The following ZDHHC11 variants were observed in gnomAD, a reference collection of about 807,000 sequenced individuals.
ZDHHC11 encodes the protein zDHHC palmitoyltransferase 11.
In ZDHHC11, 44 loss-of-function variants were observed where a neutral mutation model predicts 51.3. That is an observed-to-expected ratio of 0.86 (90% CI 0.67 to 1.10). The LOEUF (loss-of-function observed/expected upper bound fraction) is 1.10. Ranked by LOEUF, ZDHHC11 falls within the 50% of genes least tolerant of loss-of-function variation. The pLI, the probability that ZDHHC11 is intolerant of heterozygous loss-of-function variation, is 0.00. For missense variants in ZDHHC11, 400 were observed against 537.7 expected, an observed-to-expected ratio of 0.74 and a Z score of 2.53; for synonymous variants, 163 against 222.0, an observed-to-expected ratio of 0.73 and a Z score of 2.36.
At chr5:817,627 A>G (rs937179105) in intron 10 of ZDHHC11, among the ~76,000 whole-genome samples, 4 of 151,314 alleles carry the variant, frequency 2.6e-5, no homozygotes, top group Non-Finnish European at 5.9e-5. Flanking sequence ...TAGGGAGGTT[A>G]AACTTTCCTC....
intron 11 of ZDHHC11, among the ~76,000 whole-genome samples, chr5:804,499 G>C (rs1738961664): frequency 2.0e-5 from 3 of 150,986 alleles, no homozygotes; most frequent in African/African-American, 7.3e-5. Flanking sequence ...CATCCAAGGA[G>C]CTCAACGAAT....
At chr5:854,636 A>AGTG (rs1747867056), upstream of ZDHHC11, among the ~76,000 whole-genome samples, 7 of 142,300 alleles carry the variant, frequency 4.9e-5, no homozygotes, top group African/African-American at 1.8e-4. Flanking sequence ...ACAGCGAGCC[A>AGTG]GGGTCACAGA....
At chr5:800,927 CT>C (rs1260012097) in intron 12 of ZDHHC11, among the ~76,000 whole-genome samples, 172 bp downstream of exon 12, 1 of 151,310 alleles carries the variant, frequency 6.6e-6, no homozygotes, top group Non-Finnish European at 1.5e-5. Flanking sequence ...TGCACTACTT[CT>C]AAAGATGGAC....
chr5:803,569 A>G (rs1163540861), intron 11 of ZDHHC11, among the ~76,000 whole-genome samples: 1 of 151,268 alleles, frequency 6.6e-6, no homozygotes. Context: ...CAGAATGTCC[A>G]GTTTTTAACA....
intron 10 of ZDHHC11, among the ~76,000 whole-genome samples, chr5:817,744 C>G (rs1741002593): frequency 6.6e-6 from 1 of 151,316 alleles, no homozygotes; most frequent in Non-Finnish European, 1.5e-5. Context: ...ACACTCATTA[C>G]ACACCCTTCC....
At chr5:847,904 G>C in intron 2 of ZDHHC11, 2 of 546,364 alleles carry the variant, frequency 3.7e-6, no homozygotes, top group Non-Finnish European at 6.5e-6. Context: ...CCTCACTCTG[G>C]GCCATGGCCC....
upstream of ZDHHC11, among the ~76,000 whole-genome samples, chr5:854,151 C>T (rs1350592562): frequency 2.1e-5 from 3 of 142,614 alleles, no homozygotes; most frequent in Non-Finnish European, 3.1e-5. Context: ...GACAGCGAGC[C>T]GGGGGGCACA....
At chr5:843,545 C>G (rs1745434743) in intron 4 of ZDHHC11, 55 bp downstream of exon 4, 1 of 1,603,276 alleles carries the variant, frequency 6.2e-7, no homozygotes, top group African/African-American at 1.4e-5. Context: ...ATACTACCAC[C>G]CGGAAAGACG....
chr5:797,559 A>T (rs411455), intron 12 of ZDHHC11, among the ~76,000 whole-genome samples: 5 of 151,350 alleles, frequency 3.3e-5, no homozygotes, highest in Non-Finnish European at 5.9e-5. Flanking sequence ...CAACTGTCTA[A>T]TTTGTTGTTA....
At chr5:835,165 G>A (rs57810935) in intron 6 of ZDHHC11, among the ~76,000 whole-genome samples, 1 of 150,848 alleles carries the variant, frequency 6.6e-6, no homozygotes, top group African/African-American at 2.4e-5. Flanking sequence ...TTTAAGTTTA[G>A]GTGTCAGATG....
upstream of ZDHHC11, among the ~76,000 whole-genome samples, chr5:855,821 A>C (rs944290977): frequency 6.7e-6 from 1 of 148,770 alleles, no homozygotes; most frequent in East Asian, 2.0e-4. Flanking sequence ...CACAGAGGAC[A>C]GTGAGCCGGG....
At chr5:858,786 G>T (rs758987335) in intron 1 of ZDHHC11, among the ~76,000 whole-genome samples, 1 of 151,874 alleles carries the variant, frequency 6.6e-6, no homozygotes, top group African/African-American at 2.4e-5. Flanking sequence ...GTCTTGCTGT[G>T]TTGCCTTTAC....
intron 11 of ZDHHC11, among the ~76,000 whole-genome samples, chr5:802,095 A>G (rs1259628930): frequency 1.2e-4 from 18 of 151,356 alleles, no homozygotes; most frequent in African/African-American, 4.4e-4. Context: ...AGGAATTGCC[A>G]CAGAGGAGCA....
rs1457339565 is a variant in ZDHHC11 at position 795,616 on chromosome 5, A to C, written c.*972T>G. ...CAAAAACAGCCCAATGCACGTAGTAACTTATAGATATATTTGGAAAACTGA... is the reference window on the plus strand; with the variant it reads ...CAAAAACAGCCCAATGCACGTAGTACCTTATAGATATATTTGGAAAACTGA... On this transcript the variant is annotated 3_prime_UTR_variant, in exon 13 of 13. Coordinates refer to ENST00000283441, the MANE Select transcript of ZDHHC11 (RefSeq NM_024786.3). The C allele has an allele frequency of 7.2e-5, 11 of 152,356 alleles. 1 individual carries two copies. Among genetic ancestry groups the C allele is most frequent in the Non-Finnish European group, 1.6e-4 (11 of 67,802 alleles). 9.4% of individuals were successfully genotyped at this position (152,356 alleles called of 1,614,324 possible).
At chr5:845,069 G>A (rs541509298) in intron 3 of ZDHHC11, among the ~76,000 whole-genome samples, 34 of 152,384 alleles carry the variant, frequency 2.2e-4, no homozygotes, top group South Asian at 4.1e-4. Flanking sequence ...GCAGTCCTCC[G>A]AAGAGGCAGT....
intron 4 of ZDHHC11, 91 bp from the exon 5 acceptor site, chr5:840,741 G>T: frequency 1.3e-6 from 2 of 1,586,258 alleles, no homozygotes. Context: ...GCTGGGGATG[G>T]GGCGGTGTGG....
At chr5:829,982 A>G (rs1379219176) in intron 7 of ZDHHC11, among the ~76,000 whole-genome samples, 2 of 150,634 alleles carry the variant, frequency 1.3e-5, no homozygotes, top group Non-Finnish European at 3.0e-5. Flanking sequence ...CAGAAGGGAC[A>G]TACCTCAAGG....
chr5:806,850 A>C (rs1380619685), intron 11 of ZDHHC11, among the ~76,000 whole-genome samples: 1 of 151,216 alleles, frequency 6.6e-6, no homozygotes, highest in Non-Finnish European at 1.5e-5. Context: ...TGTCAATTCC[A>C]AGTGTTGGAG....
At chr5:836,402 G>A (rs568589331) in intron 6 of ZDHHC11, among the ~76,000 whole-genome samples, 2 of 150,450 alleles carry the variant, frequency 1.3e-5, no homozygotes, top group South Asian at 2.1e-4. Flanking sequence ...CGTGCTGCTC[G>A]ATTTGGTTTC....
Sources: allele counts gnomAD v4.1 joint callset (sites outside exome capture counted in the v4.1 genomes callset), GRCh38; gene constraint gnomAD v4.1.1; transcripts MANE v1.5; gene names NCBI Gene and HGNC (gene_info 2026-07-23, HGNC 2026-07-21).